ZBTB18: variants seen among roughly 807,000 people sequenced by gnomAD.
ZBTB18 encodes zinc finger and BTB domain-containing protein 18.
Under a neutral mutation model 37.7 loss-of-function variants are expected in ZBTB18, and 2 were observed. That is an observed-to-expected ratio of 0.05 (90% confidence interval 0.02 to 0.17). The LOEUF (loss-of-function observed/expected upper bound fraction) is 0.17, where lower values mean the gene tolerates loss of function less well. Ranked by LOEUF, ZBTB18 falls within the 10% of genes least tolerant of loss-of-function variation. ZBTB18 has a pLI of 1.00. For synonymous variants in ZBTB18, 304 were observed against 276.5 expected, an observed-to-expected ratio of 1.10 and a Z score of -0.99; for missense variants, 408 against 686.3, an observed-to-expected ratio of 0.59 and a Z score of 4.53.
upstream of ZBTB18, among the ~76,000 whole-genome samples, chr1:244,049,511 G>A (rs1698306491): frequency 6.6e-6 from 1 of 151,740 alleles, no homozygotes; most frequent in South Asian, 2.1e-4. Context: ...CGGAGGCCCC[G>A]GGGGCTCGCG....
At chr1:244,049,088 C>T (rs939861961), upstream of ZBTB18, 218 of 145,356 alleles carry the variant, frequency 1.5e-3, 2 homozygotes, top group African/African-American at 5.4e-3. Context: ...GCGGCCCCGG[C>T]CGGCTGGGCG....
chr1:244,049,313 C>T (rs953714192), upstream of ZBTB18, among the ~76,000 whole-genome samples: 11 of 144,744 alleles, frequency 7.6e-5, no homozygotes, highest in Non-Finnish European at 1.4e-4. Flanking sequence ...GGCGGGCTCC[C>T]GGCCGGTGCA....
chr1:244,053,106 C>T lies in ZBTB18; in HGVS notation c.14-682C>T, dbSNP rs1051395870. ...TTTCCATCTGTTGGTGCAGCTCCTT[C>T]TGATCTCGTACATGTGTGCTATACC... On this transcript the variant is annotated intron_variant, in intron 1 of 1. Transcript: ENST00000358704. This position sits in a 1 kb window ranked among gnomAD's most constrained non-coding sequence, Gnocchi z 5.2. Among the ~76,000 whole-genome samples the T allele has an allele frequency of 1.3e-5, 2 of 152,240 alleles. No individual in the cohort carries two copies. Among genetic ancestry groups the T allele is most frequent in the African/African-American group, 4.8e-5 (2 of 41,468 alleles).
In ZBTB18 at chr1:244,054,376, C is replaced by A. The variant is rs753039108; in HGVS notation, c.602C>A (p.Ala201Glu). The A allele has an allele frequency of 6.2e-7, 1 of 1,614,186 alleles. No homozygotes were observed. The highest frequency in any genetic ancestry group is 1.7e-5 in the Admixed American group (1 of 60,030). Residue 201 changes from alanine to glutamate, a missense_variant, in exon 2 of 2, where the codon GCA becomes GAA. Physicochemically the swap from Ala to Glu is moderately radical, Grantham distance 107. Coordinates refer to ENST00000358704, the MANE Select transcript of ZBTB18 (RefSeq NM_205768.3). The surrounding 1 kb of genome is among the most constrained non-coding windows in gnomAD (Gnocchi z 9.0). ...TGGATGCGATTGCCCTCAGACTCAG[C>A]AGGCATCCCCCAGGCTGGCGGAGAG... ...NMWMRLPSDSAGIPQAGGEAE... is the reference protein window; with the variant it reads ...NMWMRLPSDSEGIPQAGGEAE...
chr1:244,050,122 G>A (rs181059151), upstream of ZBTB18, among the ~76,000 whole-genome samples: 1 of 152,328 alleles, frequency 6.6e-6, no homozygotes, highest in East Asian at 1.9e-4. Flanking sequence ...GAGTCGTCGG[G>A]TTTTGTTACT....
chr1:244,052,143 C>A (rs1361100909), intron 1 of ZBTB18, among the ~76,000 whole-genome samples: 1 of 152,174 alleles, frequency 6.6e-6, no homozygotes, highest in Non-Finnish European at 1.5e-5. Context: ...GCTGTAATCG[C>A]ACTCCTCTAT....
rs550024110 is a variant in ZBTB18, at chr1:244,053,758, G to T, written c.14-30G>T. On this transcript the variant is annotated intron_variant, in intron 1 of 1. Transcript: ENST00000358704. The surrounding 1 kb of genome is among the most constrained non-coding windows in gnomAD (Gnocchi z 5.2). Reference sequence around the variant, plus strand: ...AGCGCTGAAAAGTTGTTCCTGACCAGGCTCTAATGAGAAATTCCTCTCTCC... The same window carrying T: ...AGCGCTGAAAAGTTGTTCCTGACCATGCTCTAATGAGAAATTCCTCTCTCC... 1 of 1,576,718 alleles carries T rather than the reference G, an allele frequency of 6.3e-7. No homozygotes were observed. Among genetic ancestry groups the T allele is most frequent in the Non-Finnish European group, 8.6e-7 (1 of 1,160,962 alleles).
At chr1:244,049,503 G>A (rs1482995820), upstream of ZBTB18, among the ~76,000 whole-genome samples, 4 of 151,754 alleles carry the variant, frequency 2.6e-5, no homozygotes, top group Middle Eastern at 6.9e-3. Flanking sequence ...CAGTTGCCCG[G>A]AGGCCCCGGG....
At chr1:244,048,634 C>CG (rs1469851598), upstream of ZBTB18, among the ~76,000 whole-genome samples, 1 of 142,220 alleles carries the variant, frequency 7.0e-6, no homozygotes, top group African/African-American at 2.5e-5. Flanking sequence ...GCCCGCCCCC[C>CG]CCCCGCCCCC....
At chr1:244,049,961 C>G (rs2148552722), upstream of ZBTB18, among the ~76,000 whole-genome samples, 1 of 152,202 alleles carries the variant, frequency 6.6e-6, no homozygotes, top group Non-Finnish European at 1.5e-5. Flanking sequence ...TGGAATGGGT[C>G]GAGGGCATTT....
Position 244,057,294 on chromosome 1 carries a change from T to A in ZBTB18, c.*1924T>A, listed in dbSNP as rs890229528. ...GTCATTGTGAGTGATTGCTTTTTCC[T>A]TTTCTTAGTTTCACATTCTTCCTTT... On this transcript the variant is annotated 3_prime_UTR_variant, in exon 2 of 2. Transcript: ENST00000358704. 6.0e-6 allele frequency: 1 copy of A among 167,048 alleles called. No individual in the cohort carries two copies. Among genetic ancestry groups the A allele is most frequent in the East Asian group, 1.9e-4 (1 of 5,208 alleles). 10.3% of individuals were successfully genotyped at this position (167,048 alleles called of 1,614,324 possible). A position where few individuals can be genotyped will look rare whatever the true frequency, so the allele number is the denominator to read the frequency against.
In ZBTB18 at chr1:244,055,305, G is replaced by A. The variant is rs545048358; in HGVS notation, c.1531G>A (p.Ala511Thr). 1 of 1,613,340 alleles carries A rather than the reference G, an allele frequency of 6.2e-7. No homozygotes were observed. The highest frequency in any genetic ancestry group is 1.3e-5 in the African/African-American group (1 of 74,924). Reference sequence around the variant, plus strand: ...GAACTCCTTGTCGGTCAAAAGCGAAGCACTGAGCTTGCCTACTGTCAGAGA... The same window carrying A: ...GAACTCCTTGTCGGTCAAAAGCGAAACACTGAGCTTGCCTACTGTCAGAGA... Reference protein sequence around the residue: ...LVNSLSVKSEALSLPTVRDWT... With the variant: ...LVNSLSVKSETLSLPTVRDWT... Residue 511 changes from alanine to threonine, a missense_variant, in exon 2 of 2, where the codon GCA becomes ACA. By Grantham distance (58) the Ala-to-Thr change is moderately conservative. Coordinates refer to ENST00000358704, the MANE Select transcript of ZBTB18 (RefSeq NM_205768.3). This position sits in a 1 kb window ranked among gnomAD's most constrained non-coding sequence, Gnocchi z 7.0.
At position 244,053,692 on chromosome 1, in the gene ZBTB18, CG is replaced by C; in HGVS notation, c.14-94del. ...GATTAAAATTCAGGGACATGTACCA[CG>C]GCGGCCAAAGCGGAATTAATTTTTT... On this transcript the variant is annotated intron_variant, in intron 1 of 1. Coordinates refer to ENST00000358704, the MANE Select transcript of ZBTB18 (RefSeq NM_205768.3). This position sits in a 1 kb window ranked among gnomAD's most constrained non-coding sequence, Gnocchi z 5.2. The C allele has an allele frequency of 1.3e-6, 2 of 1,505,964 alleles. No individual in the cohort carries two copies. The highest frequency in any genetic ancestry group is 2.2e-4 in the Middle Eastern group (1 of 4,568). 93.3% of individuals were successfully genotyped at this position (1,505,964 alleles called of 1,614,324 possible).
rs144434130 is a variant in ZBTB18 at position 244,054,311 on chromosome 1, G to C, written c.537G>C (p.Leu179=). The C allele has an allele frequency of 6.2e-7, 1 of 1,614,200 alleles. No individual in the cohort carries two copies. The highest frequency in any genetic ancestry group is 1.1e-5 in the South Asian group (1 of 91,084). The change falls in exon 2 of 2, where the codon CTG becomes CTC. Residue 179 remains leucine, a synonymous_variant. Coordinates refer to ENST00000358704, the MANE Select transcript of ZBTB18 (RefSeq NM_205768.3). The surrounding 1 kb of genome is among the most constrained non-coding windows in gnomAD (Gnocchi z 9.0). Reference sequence around the variant, plus strand: ...GAGAAGATGAAAAATTGAACATCCTGCCCAGCAAAAGGGACTTGGCGGCCG... The same window carrying C: ...GAGAAGATGAAAAATTGAACATCCTCCCCAGCAAAAGGGACTTGGCGGCCG... ...DEGEDEKLNI[L]PSKRDLAAEP...
rs1339344204 is a variant in ZBTB18 at position 244,055,503 on chromosome 1, T to C, written c.*133T>C. 8.2e-6 allele frequency: 2 copies of C among 242,462 alleles called. No individual in the cohort carries two copies. The highest frequency in any genetic ancestry group is 1.6e-5 in the Non-Finnish European group (2 of 127,422). 15.0% of individuals were successfully genotyped at this position (242,462 alleles called of 1,614,324 possible). On this transcript the variant is annotated 3_prime_UTR_variant, in exon 2 of 2. Transcript: ENST00000358704. This position sits in a 1 kb window ranked among gnomAD's most constrained non-coding sequence, Gnocchi z 7.0. The stretch of plus-strand genomic sequence containing the variant: ...TGGGATATTAACTTGTTTTTGCACT[T>C]TAGAATAGCATGAGAATCTCACTAA...
Position 244,053,695 on chromosome 1 carries a change from C to A in ZBTB18, c.14-93C>A, listed in dbSNP as rs776451730. 2.7e-6 allele frequency: 4 copies of A among 1,509,138 alleles called. No individual in the cohort carries two copies. Among genetic ancestry groups the A allele is most frequent in the South Asian group, 1.4e-5 (1 of 73,286 alleles). The allele number at this position is 1,509,138 out of a possible 1,614,324, so 93.5% of individuals were successfully genotyped here. A position where few individuals can be genotyped will look rare whatever the true frequency, so the allele number is the denominator to read the frequency against. On this transcript the variant is annotated intron_variant, in intron 1 of 1. Coordinates refer to ENST00000358704, the MANE Select transcript of ZBTB18 (RefSeq NM_205768.3). This position sits in a 1 kb window ranked among gnomAD's most constrained non-coding sequence, Gnocchi z 5.2. ...TAAAATTCAGGGACATGTACCACGG[C>A]GGCCAAAGCGGAATTAATTTTTTTA...
chr1:244,054,283 AAGG>A lies in ZBTB18; in HGVS notation c.512_514del (p.Gly171del). The A allele has an allele frequency of 1.2e-6, 2 of 1,614,204 alleles. No homozygotes were observed. Among genetic ancestry groups the A allele is most frequent in the South Asian group, 1.1e-5 (1 of 91,088 alleles). On this transcript the variant is annotated inframe_deletion, in exon 2 of 2. Transcript: ENST00000358704. This position sits in a 1 kb window ranked among gnomAD's most constrained non-coding sequence, Gnocchi z 9.0. Reference sequence around the variant, plus strand: ...GGCGATTTGCCCAGTGATGAAGATGAAGGAGAAGATGAAAAATTGAACATCCTG... The same window carrying A: ...GGCGATTTGCCCAGTGATGAAGATGAAGAAGATGAAAAATTGAACATCCTG...
upstream of ZBTB18, among the ~76,000 whole-genome samples, chr1:244,048,628 G>GCCCCCCCCCCCCCCCCCCC (rs1325001619): frequency 2.0e-4 from 16 of 79,486 alleles, no homozygotes; most frequent in Admixed American, 2.5e-4. Flanking sequence ...CCCCGCGCCC[G>GCCCCCCCCCCCCCCCCCCC]CCCCCCCCCC....
upstream of ZBTB18, among the ~76,000 whole-genome samples, chr1:244,050,895 G>GA (rs1467491092): frequency 6.6e-6 from 1 of 152,152 alleles, no homozygotes; most frequent in Non-Finnish European, 1.5e-5. Flanking sequence ...AACTGCTTTA[G>GA]AAACTAAACG....
Sources: allele counts gnomAD v4.1 joint callset (sites outside exome capture counted in the v4.1 genomes callset), GRCh38; gene constraint gnomAD v4.1.1; non-coding constraint Gnocchi (gnomAD v3.1); transcripts MANE v1.5; gene names NCBI Gene and HGNC (gene_info 2026-07-23, HGNC 2026-07-21).